The following RSRC1 variants were observed in gnomAD, a reference collection of about 807,000 sequenced individuals.
RSRC1 encodes the protein arginine and serine rich coiled-coil 1, also known as serine/Arginine-related protein 53.
Under a neutral mutation model 49.1 loss-of-function variants are expected in RSRC1, and 39 were observed. That is an observed-to-expected ratio of 0.79 (90% CI 0.61 to 1.04). The LOEUF is 1.04. Among genes scored for constraint, RSRC1 ranks in the 50% least tolerant of loss-of-function variants. The pLI is 0.00. For synonymous variants in RSRC1, 143 were observed against 130.8 expected (o/e 1.09, Z -0.63); for missense variants, 388 against 402.4 (o/e 0.96, Z 0.31).
chr3:158,339,077 G>A (rs891420270), intron 5 of RSRC1, among the ~76,000 whole-genome samples: 1 of 152,054 alleles, frequency 6.6e-6, no homozygotes, highest in Non-Finnish European at 1.5e-5. Flanking sequence ...TGGATCATGA[G>A]GTCAGGAGAT....
intron 4 of RSRC1, among the ~76,000 whole-genome samples, chr3:158,249,450 T>C (rs568027118): frequency 6.6e-6 from 1 of 152,368 alleles, no homozygotes; most frequent in South Asian, 2.1e-4. Flanking sequence ...CACTTCTCTT[T>C]GTTGCTGAAT....
intron 3 of RSRC1, among the ~76,000 whole-genome samples, chr3:158,139,453 T>C (rs1372291490): frequency 6.6e-6 from 1 of 152,066 alleles, no homozygotes; most frequent in Non-Finnish European, 1.5e-5. Flanking sequence ...TTGTGGGTGC[T>C]GCAAGCCTAC....
chr3:158,272,403 A>G (rs1453955130), intron 4 of RSRC1, among the ~76,000 whole-genome samples: 1 of 152,166 alleles, frequency 6.6e-6, no homozygotes, highest in Non-Finnish European at 1.5e-5. Flanking sequence ...TGCCAGGATC[A>G]TCTTTTTATA....
At chr3:158,334,649 T>TGTGTGTGTGTG in intron 5 of RSRC1, among the ~76,000 whole-genome samples, 1 of 137,536 alleles carries the variant, frequency 7.3e-6, no homozygotes, top group South Asian at 2.5e-4. Flanking sequence ...CCCAGCTAAT[T>TGTGTGTGTGTG]TGTGTGTGTG....
chr3:158,197,823 C>G (rs1482471663), intron 3 of RSRC1, among the ~76,000 whole-genome samples: 5 of 152,086 alleles, frequency 3.3e-5, no homozygotes, highest in South Asian at 2.1e-4. Context: ...TCTTAATCGT[C>G]AGTTCTCGTT....
At chr3:158,357,974 T>A (rs911043170) in intron 6 of RSRC1, among the ~76,000 whole-genome samples, 2 of 152,232 alleles carry the variant, frequency 1.3e-5, no homozygotes, top group Non-Finnish European at 2.9e-5. Flanking sequence ...AAGAAAGTTT[T>A]ATATTTAACT....
intron 3 of RSRC1, among the ~76,000 whole-genome samples, chr3:158,130,597 G>A (rs1398469799): frequency 6.6e-6 from 1 of 152,020 alleles, no homozygotes; most frequent in African/African-American, 2.4e-5. Context: ...TATACATGTA[G>A]CCTGAATAAT....
chr3:158,207,355 C>T (rs1197057305), intron 4 of RSRC1, among the ~76,000 whole-genome samples: 1 of 152,224 alleles, frequency 6.6e-6, no homozygotes, highest in East Asian at 1.9e-4. Flanking sequence ...CCCACCTCAG[C>T]ATTTCATCTA....
chr3:158,286,511 T>A (rs775732305), intron 4 of RSRC1, among the ~76,000 whole-genome samples: 1 of 152,184 alleles, frequency 6.6e-6, no homozygotes, highest in Non-Finnish European at 1.5e-5. Context: ...CTTAGACAAA[T>A]ACTATGAAAA....
At chr3:158,304,545 GT>G (rs1727737755) in intron 5 of RSRC1, among the ~76,000 whole-genome samples, 1 of 152,018 alleles carries the variant, frequency 6.6e-6, no homozygotes, top group Non-Finnish European at 1.5e-5. Flanking sequence ...CTGAAAATAT[GT>G]TTTTGACATT....
At chr3:158,366,691 C>T (rs1731788455) in intron 6 of RSRC1, among the ~76,000 whole-genome samples, 1 of 152,014 alleles carries the variant, frequency 6.6e-6, no homozygotes, top group Non-Finnish European at 1.5e-5. Flanking sequence ...TGAAGAAAGT[C>T]AATAGTAGCT....
chr3:158,387,189 C>G (rs1211837623), intron 6 of RSRC1, among the ~76,000 whole-genome samples: 1 of 152,022 alleles, frequency 6.6e-6, no homozygotes, highest in African/African-American at 2.4e-5. Context: ...TTTGATAAAC[C>G]TGTCTCATTT....
At chr3:158,430,684 G>A (rs1000582766) in intron 6 of RSRC1, among the ~76,000 whole-genome samples, 3 of 151,868 alleles carry the variant, frequency 2.0e-5, no homozygotes, top group African/African-American at 7.2e-5. Context: ...ACAGTGGGAA[G>A]ACAAACTACA....
intron 6 of RSRC1, among the ~76,000 whole-genome samples, chr3:158,394,955 A>G (rs1261813507): frequency 1.3e-5 from 2 of 152,162 alleles, no homozygotes; most frequent in African/African-American, 4.8e-5. Context: ...GGGGCACAGT[A>G]ACTGAAACAG....
intron 7 of RSRC1, among the ~76,000 whole-genome samples, chr3:158,527,077 CTTTTTTTTTTTT>C (rs543523088): frequency 3.2e-4 from 35 of 110,182 alleles, no homozygotes; most frequent in Middle Eastern, 4.2e-3. Context: ...AGTTCAAAAT[CTTTTTTTTTTTT>C]TTTTTTTTTT....
At chr3:158,333,662 G>A (rs562031693) in intron 5 of RSRC1, among the ~76,000 whole-genome samples, 34 of 152,266 alleles carry the variant, frequency 2.2e-4, no homozygotes, top group African/African-American at 8.2e-4. Context: ...AAGTAAATTT[G>A]AAAGCTCTAT....
At chr3:158,230,903 G>A (rs1722909897) in intron 4 of RSRC1, among the ~76,000 whole-genome samples, 1 of 152,044 alleles carries the variant, frequency 6.6e-6, no homozygotes. Flanking sequence ...TTCAAGGTGA[G>A]TTGTATTTTA....
intron 9 of RSRC1, 65 bp from the exon 10 acceptor site, chr3:158,544,118 A>T: frequency 8.9e-7 from 1 of 1,124,956 alleles, no homozygotes; most frequent in Non-Finnish European, 1.3e-6. Context: ...GAGTTCTGTC[A>T]TTTTAGGTCA....
chr3:158,197,914 T>A (rs1488369509), intron 3 of RSRC1, among the ~76,000 whole-genome samples: 3 of 152,204 alleles, frequency 2.0e-5, no homozygotes, highest in Non-Finnish European at 4.4e-5. Flanking sequence ...ATTCCCACTA[T>A]GTGGTCAGTT....
Sources: allele counts gnomAD v4.1 joint callset (sites outside exome capture counted in the v4.1 genomes callset), GRCh38; gene constraint gnomAD v4.1.1; transcripts MANE v1.5; gene names NCBI Gene and HGNC (gene_info 2026-07-23, HGNC 2026-07-21).